MAP4K5: variants seen among roughly 807,000 people sequenced by gnomAD.
The protein encoded by MAP4K5 is MAPK/ERK kinase kinase kinase 5.
In MAP4K5, 82 loss-of-function variants were observed where a neutral mutation model predicts 135.6. That is an observed-to-expected ratio of 0.60 (90% CI 0.51 to 0.73). The LOEUF (loss-of-function observed/expected upper bound fraction) is 0.73. Among genes scored for constraint, MAP4K5 ranks in the 30% least tolerant of loss-of-function variants. The probability of loss-of-function intolerance (pLI) is 0.00; values close to 1 mark genes in which losing one functional copy is unlikely to be tolerated. For missense variants in MAP4K5, 907 were observed against 1,010.9 expected, an observed-to-expected ratio of 0.90 and a Z score of 1.39; for synonymous variants, 347 against 335.0, an observed-to-expected ratio of 1.04 and a Z score of -0.39.
intron 17 of MAP4K5, 101 bp from the exon 18 acceptor site, chr14:50,445,295 C>T: frequency 9.6e-7 from 1 of 1,037,976 alleles, no homozygotes; most frequent in Non-Finnish European, 1.4e-6. Flanking sequence ...CTATACAGTT[C>T]AATTCACTGG....
chr14:50,527,109 G>A (rs2038282764), intron 2 of MAP4K5, among the ~76,000 whole-genome samples: 1 of 152,212 alleles, frequency 6.6e-6, no homozygotes, highest in Non-Finnish European at 1.5e-5. Context: ...GGGAGGCCAA[G>A]GTGGGCAGAT....
At chr14:50,446,165 G>A (rs751842217) in intron 16 of MAP4K5, 44 bp from the exon 17 acceptor site, 355 of 1,279,074 alleles carry the variant, frequency 2.8e-4, no homozygotes, top group Non-Finnish European at 3.5e-4. Flanking sequence ...ATAAATGACC[G>A]TAACCGAAAA....
chr14:50,489,811 C>A (rs1268811021), intron 3 of MAP4K5, among the ~76,000 whole-genome samples: 1 of 152,076 alleles, frequency 6.6e-6, no homozygotes, highest in African/African-American at 2.4e-5. Flanking sequence ...CAGTTACCAG[C>A]AGAATCATAA....
At chr14:50,512,388 A>T (rs1393702501) in intron 2 of MAP4K5, among the ~76,000 whole-genome samples, 1 of 152,160 alleles carries the variant, frequency 6.6e-6, no homozygotes, top group Admixed American at 6.5e-5. Context: ...TCAGAAACAG[A>T]TCATTGGAGG....
chr14:50,509,213 C>T (rs2037878308), intron 2 of MAP4K5, among the ~76,000 whole-genome samples: 1 of 149,736 alleles, frequency 6.7e-6, no homozygotes, highest in Admixed American at 6.7e-5. Context: ...CAGGGAACAT[C>T]ACACACAGGG....
At chr14:50,555,543 C>G (rs2038755801) in intron 1 of MAP4K5, among the ~76,000 whole-genome samples, 1 of 152,188 alleles carries the variant, frequency 6.6e-6, no homozygotes, top group Non-Finnish European at 1.5e-5. Context: ...CTTGGCCTCT[C>G]AAAGTGCTGG....
intron 8 of MAP4K5, 37 bp downstream of exon 8, chr14:50,476,091 T>G (rs2139875645): frequency 7.9e-7 from 1 of 1,262,966 alleles, no homozygotes. Flanking sequence ...TGTCATTAAA[T>G]TTTTGGAAAA....
At chr14:50,487,285 C>T (rs931913703) in intron 3 of MAP4K5, among the ~76,000 whole-genome samples, 18 of 152,026 alleles carry the variant, frequency 1.2e-4, no homozygotes, top group African/African-American at 4.3e-4. Flanking sequence ...TCCAGCCTGG[C>T]GACAGAGCGA....
rs563349741 is a variant in MAP4K5, at chr14:50,505,058, C to T, written c.109-201G>A. On this transcript the variant is annotated intron_variant, in intron 2 of 32. Transcript: ENST00000682126. ...AGACACAAAAGTGTTTAAAAAATTA[C>T]CAATAGTCCCACCACTCAAAAACAG... The T allele has an allele frequency of 2.1e-5, 9 of 425,574 alleles. No individual in the cohort carries two copies. In the East Asian group the frequency reaches 3.6e-4, roughly 17 times the overall value. 26.4% of individuals were successfully genotyped at this position (425,574 alleles called of 1,614,324 possible).
At chr14:50,479,479 A>C (rs548742044) in intron 6 of MAP4K5, among the ~76,000 whole-genome samples, 18 of 152,138 alleles carry the variant, frequency 1.2e-4, no homozygotes, top group African/African-American at 4.1e-4. Context: ...TTCCATCCAA[A>C]GCTCACTCAG....
At chr14:50,495,198 T>C (rs2037567571) in intron 3 of MAP4K5, among the ~76,000 whole-genome samples, 1 of 152,158 alleles carries the variant, frequency 6.6e-6, no homozygotes, top group East Asian at 1.9e-4. Flanking sequence ...ATACCCAGAA[T>C]ATATAAAGAA....
chr14:50,540,248 T>C (rs114429414), intron 2 of MAP4K5, among the ~76,000 whole-genome samples: 2,160 of 152,306 alleles, frequency 0.014, 41 homozygotes, highest in African/African-American at 0.049. Flanking sequence ...CTATTATTAA[T>C]CCCTGAGTCT....
At chr14:50,438,070 G>A (rs761970170) in intron 24 of MAP4K5, 22 bp downstream of exon 24, 59 of 978,564 alleles carry the variant, frequency 6.0e-5, no homozygotes, top group African/African-American at 1.3e-4. Context: ...TACAATTTTC[G>A]AGAAAAAGAA....
chr14:50,544,816 A>G (rs993070613), intron 1 of MAP4K5, among the ~76,000 whole-genome samples: 2 of 151,860 alleles, frequency 1.3e-5, no homozygotes, highest in African/African-American at 4.8e-5. Flanking sequence ...ATGACGCTAT[A>G]AATGCAGCTA....
At chr14:50,497,923 A>G (rs2037628172) in intron 3 of MAP4K5, among the ~76,000 whole-genome samples, 1 of 152,210 alleles carries the variant, frequency 6.6e-6, no homozygotes, top group Non-Finnish European at 1.5e-5. Flanking sequence ...AAGGCCGAAA[A>G]TATTTAAATA....
upstream of MAP4K5, among the ~76,000 whole-genome samples, chr14:50,534,395 A>G (rs2038465881): frequency 6.6e-6 from 1 of 152,236 alleles, no homozygotes; most frequent in African/African-American, 2.4e-5. Context: ...AGAGGCATAT[A>G]TTTTCCTAAT....
chr14:50,552,541 G>A lies in MAP4K5; in HGVS notation c.-180+8499C>T, dbSNP rs531291642. Among the ~76,000 whole-genome samples, 10 of 152,150 alleles carry A rather than the reference G, an allele frequency of 6.6e-5. No individual in the cohort carries two copies. In the South Asian group the frequency reaches 2.1e-3, roughly 32 times the overall value. On this transcript the variant is annotated intron_variant, in intron 1 of 8. Coordinates refer to the MAP4K5 transcript ENST00000555216. ...CTAAAATTTGTATGGAACCAAAAAA[G>A]AGCCCACATAGCCAAAGCAGTAATA...
rs557025176 is a variant in MAP4K5 at position 50,521,829 on chromosome 14, T to C, written c.108+10113A>G. Among the ~76,000 whole-genome samples, 3 of 152,320 alleles carry C rather than the reference T, an allele frequency of 2.0e-5. No individual in the cohort carries two copies. In the East Asian group the frequency reaches 5.8e-4, roughly 29 times the overall value. ...ATCTTGTCCTTCTCAGAGAGTCATC[T>C]ACCCTCTCAAACTTGACTAGTACTT... On this transcript the variant is annotated intron_variant, in intron 2 of 32. Coordinates refer to ENST00000682126, the MANE Select transcript of MAP4K5 (RefSeq NM_006575.6).
intron 2 of MAP4K5, among the ~76,000 whole-genome samples, chr14:50,515,006 T>A (rs964188154): frequency 1.3e-5 from 2 of 151,880 alleles, no homozygotes; most frequent in Non-Finnish European, 2.9e-5. Flanking sequence ...CAGGTTCAAG[T>A]AATTCTCTCG....
Sources: gnomAD v4.1 joint callset for allele counts (sites outside exome capture counted in the v4.1 genomes callset) on GRCh38, gnomAD v4.1.1 for gene constraint, MANE v1.5 for transcripts, NCBI Gene and HGNC (gene_info 2026-07-23, HGNC 2026-07-21) for gene names.